Variants in RC3H1 observed in about 807,000 individuals in gnomAD.
RC3H1 encodes the protein roquin-1.
In RC3H1, 50 loss-of-function variants were observed where a neutral mutation model predicts 138.2. That is an observed-to-expected ratio of 0.36 (90% CI 0.29 to 0.46). The LOEUF (loss-of-function observed/expected upper bound fraction) is 0.46. RC3H1 is among the 20% of genes least tolerant of loss of function. The pLI, the probability that RC3H1 is intolerant of heterozygous loss-of-function variation, is 1.00. For synonymous variants in RC3H1, 462 were observed against 489.1 expected (o/e 0.94, Z 0.73); for missense variants, 1,031 against 1,388.1 (o/e 0.74, Z 4.09).
At chr1:173,940,380 A>G (rs190903788) in intron 19 of RC3H1, among the ~76,000 whole-genome samples, 74 of 152,244 alleles carry the variant, frequency 4.9e-4, no homozygotes, top group Non-Finnish European at 6.3e-4. Context: ...CTAAGGCAGG[A>G]GAATCGCTTG....
Position 173,964,849 on chromosome 1 carries a change from G to A in RC3H1, c.1606C>T (p.Pro536Ser). Residue 536 changes from proline to serine, a missense_variant, in exon 10 of 20, where the codon CCT becomes TCT. Around this residue, in one of 7 missense-constraint regions of RC3H1, gnomAD observed 716 missense variants for 837.9 expected, o/e 0.85. Transcript: ENST00000367696. ...AGAAAAATGACGTACAGGTCAGGAG[G>A]GGATCCAGGAGCACTACTGCTCAGA... Reference protein sequence around the residue: ...DHLSSSAPGSPPDLLESVPKS... With the variant: ...DHLSSSAPGSSPDLLESVPKS... The A allele has an allele frequency of 6.2e-7, 1 of 1,613,990 alleles. No individual in the cohort carries two copies. Among genetic ancestry groups the A allele is most frequent in the Non-Finnish European group, 8.5e-7 (1 of 1,179,922 alleles).
intron 9 of RC3H1, among the ~76,000 whole-genome samples, chr1:173,968,240 A>C (rs1213917991): frequency 2.6e-5 from 4 of 152,260 alleles, no homozygotes; most frequent in South Asian, 2.1e-4. Context: ...AATTTTCAGA[A>C]TTTTCCTTGC....
Position 174,007,506 on chromosome 1 carries a change from G to C in RC3H1, c.-150-14371C>G, listed in dbSNP as rs181513520. On this transcript the variant is annotated intron_variant, in intron 1 of 19. Transcript: ENST00000367696. ...TGAGTCAGGGTCTTGCTTTATCACC[G>C]AGGCTGGAGTGCAGTGGCATGATCA... Among the ~76,000 whole-genome samples the C allele has an allele frequency of 1.2e-4, 18 of 151,958 alleles. No homozygotes were observed. In the East Asian group the frequency reaches 3.5e-3, roughly 30 times the overall value.
chr1:173,996,435 A>G (rs1184913557), intron 1 of RC3H1, among the ~76,000 whole-genome samples: 7 of 152,332 alleles, frequency 4.6e-5, no homozygotes, highest in Admixed American at 2.0e-4. Flanking sequence ...GCAGACAGCA[A>G]GGTCTTCATG....
intron 7 of RC3H1, among the ~76,000 whole-genome samples, chr1:173,972,933 G>T (rs1212867603): frequency 6.6e-6 from 1 of 152,206 alleles, no homozygotes; most frequent in Non-Finnish European, 1.5e-5. Context: ...GAGTGACAGG[G>T]ACTGCTGAAC....
intron 1 of RC3H1, among the ~76,000 whole-genome samples, chr1:174,009,573 T>G (rs1571242161): frequency 6.6e-6 from 1 of 152,318 alleles, no homozygotes; most frequent in African/African-American, 2.4e-5. Context: ...GCATGGTGGC[T>G]CATGTCTGTA....
chr1:173,936,647 T>C lies in RC3H1; in HGVS notation c.*2074A>G, dbSNP rs1365590014. The C allele has an allele frequency of 2.2e-5, 3 of 139,286 alleles. No homozygotes were observed. In the East Asian group the frequency reaches 6.3e-4, roughly 29 times the overall value. 8.6% of individuals were successfully genotyped at this position (139,286 alleles called of 1,614,324 possible). On this transcript the variant is annotated 3_prime_UTR_variant, in exon 20 of 20. Transcript: ENST00000367696. Reference sequence around the variant, plus strand: ...TTTCTTTCCTTCTCCCAATAAACAATAGGCATTTAAAGTGGAAATGTAAAA... The same window carrying C: ...TTTCTTTCCTTCTCCCAATAAACAACAGGCATTTAAAGTGGAAATGTAAAA...
At chr1:173,999,886 C>T (rs982941490) in intron 1 of RC3H1, among the ~76,000 whole-genome samples, 1 of 152,212 alleles carries the variant, frequency 6.6e-6, no homozygotes, top group Non-Finnish European at 1.5e-5. Flanking sequence ...GTACCCAAGT[C>T]ACAAAGCTAG....
chr1:173,988,847 TGAC>T (rs1352073448), intron 2 of RC3H1, among the ~76,000 whole-genome samples: 1 of 152,238 alleles, frequency 6.6e-6, no homozygotes, highest in Non-Finnish European at 1.5e-5. Context: ...ATAATCTACT[TGAC>T]GAGGTGATTG....
At chr1:173,988,264 C>T (rs1170966456) in intron 2 of RC3H1, among the ~76,000 whole-genome samples, 1 of 152,222 alleles carries the variant, frequency 6.6e-6, no homozygotes, top group Non-Finnish European at 1.5e-5. Flanking sequence ...ATGGCAACCA[C>T]TGATACTTTT....
intron 1 of RC3H1, among the ~76,000 whole-genome samples, chr1:174,020,845 C>T (rs1421803148): frequency 6.6e-6 from 1 of 152,022 alleles, no homozygotes; most frequent in Non-Finnish European, 1.5e-5. Flanking sequence ...CCCGTCTCTA[C>T]TAAAAATACA....
intron 14 of RC3H1, among the ~76,000 whole-genome samples, chr1:173,948,111 G>A (rs1332099543): frequency 6.6e-6 from 1 of 152,038 alleles, no homozygotes; most frequent in African/African-American, 2.4e-5. Context: ...TAAGCCCCAA[G>A]ACACCAGATC....
intron 5 of RC3H1, among the ~76,000 whole-genome samples, chr1:173,981,254 C>A (rs1222976834): frequency 6.6e-6 from 1 of 152,158 alleles, no homozygotes; most frequent in African/African-American, 2.4e-5. Flanking sequence ...TAAATACAGG[C>A]TGAGAATCTC....
At chr1:173,970,478 C>A (rs1660309917) in intron 9 of RC3H1, 27 bp downstream of exon 9, 1 of 1,468,996 alleles carries the variant, frequency 6.8e-7, no homozygotes, top group South Asian at 1.1e-5. Context: ...ACACCTTATT[C>A]CAAAGTCTCC....
At chr1:173,952,982 T>C (rs768381715) in intron 13 of RC3H1, among the ~76,000 whole-genome samples, 8 of 152,162 alleles carry the variant, frequency 5.3e-5, no homozygotes, top group Non-Finnish European at 1.0e-4. Context: ...CACTGATATC[T>C]AGGGGTATCA....
chr1:173,960,289 C>CA (rs1245177607), intron 13 of RC3H1, among the ~76,000 whole-genome samples: 1 of 150,354 alleles, frequency 6.7e-6, no homozygotes, highest in East Asian at 2.0e-4. Context: ...GACTCTGTCT[C>CA]AAAAAAATAA....
At chr1:173,942,989 G>A (rs1490563910) in intron 18 of RC3H1, among the ~76,000 whole-genome samples, 6 of 152,034 alleles carry the variant, frequency 3.9e-5, no homozygotes, top group Non-Finnish European at 7.4e-5. Flanking sequence ...CATACATAAT[G>A]GATACAGGAA....
chr1:174,022,312 C>A lies in RC3H1; in HGVS notation c.-367G>T. The A allele has an allele frequency of 2.6e-6, 1 of 381,686 alleles. No individual in the cohort carries two copies. The highest frequency in any genetic ancestry group is 1.3e-4 in the South Asian group (1 of 7,478). The allele number at this position is 381,686 out of a possible 1,614,324, so 23.6% of individuals were successfully genotyped here. ...AGCAGGGGCCATCTTGTTGCTCGGCCTCCTCTTCCTCCTCCTCGTCCTCCG... is the reference window on the plus strand; with the variant it reads ...AGCAGGGGCCATCTTGTTGCTCGGCATCCTCTTCCTCCTCCTCGTCCTCCG... On this transcript the variant is annotated 5_prime_UTR_variant, in exon 1 of 20. It adds an upstream start codon to the 5' untranslated region. Coordinates refer to ENST00000367696, the MANE Select transcript of RC3H1 (RefSeq NM_172071.4). The surrounding 1 kb of genome is among the most constrained non-coding windows in gnomAD (Gnocchi z 4.2).
intron 5 of RC3H1, 39 bp downstream of exon 5, chr1:173,982,688 A>G (rs1282505314): frequency 6.6e-7 from 1 of 1,505,138 alleles, no homozygotes; most frequent in East Asian, 2.4e-5. Context: ...GGAAAGAACA[A>G]TATTTCCTTT....
Sources: gnomAD v4.1 joint callset for allele counts (sites outside exome capture counted in the v4.1 genomes callset) on GRCh38, gnomAD v4.1.1 for gene constraint, gnomAD v4.1.1 regional missense constraint, Gnocchi (gnomAD v3.1) non-coding constraint, MANE v1.5 for transcripts, NCBI Gene and HGNC (gene_info 2026-07-23, HGNC 2026-07-21) for gene names.